The following CCDC110 variants were observed in gnomAD, a reference collection of about 807,000 sequenced individuals.
The protein encoded by CCDC110 is coiled-coil domain containing 110.
A neutral mutation model predicts 77.1 loss-of-function variants in CCDC110; 70 were observed. The observed-to-expected ratio is 0.91, with a 90% CI of 0.75 to 1.11. CCDC110 has a LOEUF of 1.11. Ranked by LOEUF, CCDC110 falls within the 50% of genes least tolerant of loss-of-function variation. The probability of loss-of-function intolerance (pLI) is 0.00; values close to 1 mark genes in which losing one functional copy is unlikely to be tolerated. For synonymous variants in CCDC110, 295 were observed against 312.5 expected (o/e 0.94, Z 0.59); for missense variants, 868 against 942.9 (o/e 0.92, Z 1.04).
intron 6 of CCDC110, chr4:185,452,048 A>G (rs542408823): frequency 4.6e-6 from 1 of 218,486 alleles, no homozygotes; most frequent in East Asian, 1.8e-4. Flanking sequence ...AAGTGTCAGT[A>G]GAGGAAATCA....
At position 185,459,385 on chromosome 4, in the gene CCDC110, A is replaced by G. The variant is rs781072086; in HGVS notation, c.1202T>C (p.Leu401Pro). The stretch of plus-strand genomic sequence containing the variant: ...AGATATTATTGATCCTTGTTTTACT[A>G]GAAATGGTTGTCTTTCTTTGTCTTT... ...EMKDKERQPF[L>P]VKQGSIISEN... The change falls in exon 6 of 7, where the codon CTA becomes CCA. Residue 401 changes from leucine to proline, a missense_variant. Physicochemically the swap from Leu to Pro is moderately conservative, Grantham distance 98. Transcript: ENST00000307588. 13 of 1,611,960 alleles carry G rather than the reference A, an allele frequency of 8.1e-6. No homozygotes were observed. The highest frequency in any genetic ancestry group is 6.6e-5 in the South Asian group (6 of 90,648).
Position 185,447,343 on chromosome 4 carries a change from G to A in CCDC110, c.2462-1801C>T, listed in dbSNP as rs866955428. Among the ~76,000 whole-genome samples, 9 of 151,670 alleles carry A rather than the reference G, an allele frequency of 5.9e-5. No homozygotes were observed. The South Asian group carries it at 6.3e-4, about 11-fold the overall frequency. On this transcript the variant is annotated intron_variant, in intron 6 of 6. Coordinates refer to ENST00000307588, the MANE Select transcript of CCDC110 (RefSeq NM_152775.4). ...ACTACAGGCGCCCGCCACCACGCCCGGCTAATTTTTGTATTTTTAGTAGAG... is the reference window on the plus strand; with the variant it reads ...ACTACAGGCGCCCGCCACCACGCCCAGCTAATTTTTGTATTTTTAGTAGAG...
In CCDC110 at chr4:185,460,293, C is replaced by T. The variant is rs2095643774; in HGVS notation, c.349-55G>A. On this transcript the variant is annotated intron_variant, in intron 5 of 6. Coordinates refer to ENST00000307588, the MANE Select transcript of CCDC110 (RefSeq NM_152775.4). Reference sequence around the variant, plus strand: ...TATTGTCATTTGCCACATGATAAAGCAGTACAGATAATATTTTGTGGAGGG... The same window carrying T: ...TATTGTCATTTGCCACATGATAAAGTAGTACAGATAATATTTTGTGGAGGG... 3.8e-6 allele frequency: 5 copies of T among 1,330,668 alleles called. No homozygotes were observed. In the South Asian group the frequency reaches 5.6e-5, roughly 15 times the overall value. 82.4% of individuals were successfully genotyped at this position (1,330,668 alleles called of 1,614,324 possible).
intron 6 of CCDC110, among the ~76,000 whole-genome samples, chr4:185,457,546 C>A (rs568547500): frequency 6.6e-6 from 1 of 152,292 alleles, no homozygotes; most frequent in African/African-American, 2.4e-5. Context: ...TCCACTAGAA[C>A]CCACAAAACT....
Position 185,458,819 on chromosome 4 carries a change from T to C in CCDC110, c.1768A>G (p.Lys590Glu), listed in dbSNP as rs2153320666. Residue 590 changes from lysine to glutamate, a missense_variant, in exon 6 of 7, where the codon AAA becomes GAA. Transcript: ENST00000307588. Reference protein sequence around the residue: ...LIQDEKEMLEKKTHQLLKEKS... With the variant: ...LIQDEKEMLEEKTHQLLKEKS... ...TCTTTTAGAAGCTGGTGTGTTTTTT[T>C]CTCTAACATTTCTTTTTCATCTTGT... The C allele has an allele frequency of 6.2e-7, 1 of 1,607,326 alleles. No individual in the cohort carries two copies. Among genetic ancestry groups the C allele is most frequent in the East Asian group, 2.2e-5 (1 of 44,718 alleles).
intron 6 of CCDC110, among the ~76,000 whole-genome samples, chr4:185,448,605 T>C (rs1410172111): frequency 6.6e-6 from 1 of 152,222 alleles, no homozygotes; most frequent in Non-Finnish European, 1.5e-5. Flanking sequence ...AGGAATACTA[T>C]TCTCTGTGGG....
At chr4:185,446,697 A>G (rs748212698) in intron 6 of CCDC110, among the ~76,000 whole-genome samples, 3 of 136,498 alleles carry the variant, frequency 2.2e-5, no homozygotes, top group Non-Finnish European at 4.7e-5. Flanking sequence ...ATAGTTTGTT[A>G]CTTCAGACAT....
At chr4:185,445,752 T>C (rs929421263) in intron 6 of CCDC110, among the ~76,000 whole-genome samples, 11 of 152,234 alleles carry the variant, frequency 7.2e-5, no homozygotes, top group African/African-American at 2.7e-4. Context: ...AAAACAGTAG[T>C]ACATCTTTAA....
At position 185,458,463 on chromosome 4, in the gene CCDC110, T is replaced by A; in HGVS notation, c.2124A>T (p.Val708=). ...TCTGATTATCTGTTTTGGTTTCCAT[T>A]ACCATTTTTGATAACATTTCACATT... ...GKECEMLSKM[V]METKTDNQIL... The change falls in exon 6 of 7, where the codon GTA becomes GTT. Residue 708 remains valine, a synonymous_variant. Coordinates refer to ENST00000307588, the MANE Select transcript of CCDC110 (RefSeq NM_152775.4). 1 of 1,601,150 alleles carries A rather than the reference T, an allele frequency of 6.2e-7. No homozygotes were observed. The highest frequency in any genetic ancestry group is 8.5e-7 in the Non-Finnish European group (1 of 1,176,246).
chr4:185,459,443 G>A lies in CCDC110; in HGVS notation c.1144C>T (p.Leu382=), dbSNP rs9999097. The change falls in exon 6 of 7, where the codon CTG becomes TTG. Residue 382 remains leucine (L), a synonymous_variant. Transcript: ENST00000307588. ...KFHSRVPRYT[L]SFLDQTKHEM... is the part of the protein sequence containing the mutation. ...TGTTTTGTTTGGTCGAGGAAGGACAGTGTGTATCTTGGAACTCTGGAATGG... is the reference window on the plus strand; with the variant it reads ...TGTTTTGTTTGGTCGAGGAAGGACAATGTGTATCTTGGAACTCTGGAATGG... 53 of 1,613,146 alleles carry A rather than the reference G, an allele frequency of 3.3e-5. No individual in the cohort carries two copies. The highest frequency in any genetic ancestry group is 4.2e-5 in the Non-Finnish European group (50 of 1,179,358).
Position 185,459,594 on chromosome 4 carries a change from T to TTTTGACACAG in CCDC110, c.983_992dup (p.Lys331AsnfsTer11). 1 of 1,613,368 alleles carries TTTTGACACAG rather than the reference T, an allele frequency of 6.2e-7. No individual in the cohort carries two copies. Among genetic ancestry groups the TTTTGACACAG allele is most frequent in the South Asian group, 1.1e-5 (1 of 90,984 alleles). ...ATTTTCTACAAAAATGCACATGGAA[T>TTTTGACACAG]TTTGACACAGTTTCCCTGAAGGGGA... On this transcript the variant is annotated frameshift_variant, in exon 6 of 7. Transcript: ENST00000307588. LOFTEE classifies it high-confidence loss of function.
rs145767821 is a variant in CCDC110, at chr4:185,459,272, C to G, written c.1315G>C (p.Val439Leu). 8 of 1,613,248 alleles carry G rather than the reference C, an allele frequency of 5.0e-6. No individual in the cohort carries two copies. Among genetic ancestry groups the G allele is most frequent in the South Asian group, 3.3e-5 (3 of 90,980 alleles). Reference sequence around the variant, plus strand: ...TCCATTACTTTTTTCTGTATCTGCACAGATTCTTTTAGGTAATTCTGTAAG... The same window carrying G: ...TCCATTACTTTTTTCTGTATCTGCAGAGATTCTTTTAGGTAATTCTGTAAG... ...QYLQNYLKES[V>L]QIQKKVMELE... The change falls in exon 6 of 7, where the codon GTG (valine) becomes CTG (leucine). Residue 439 changes from valine (V) to leucine (L), a missense_variant. Coordinates refer to ENST00000307588, the MANE Select transcript of CCDC110 (RefSeq NM_152775.4).
At position 185,460,151 on chromosome 4, in the gene CCDC110, A is replaced by G; in HGVS notation, c.436T>C (p.Leu146=). The change falls in exon 6 of 7, where the codon TTA becomes CTA. Residue 146 remains leucine (L), a synonymous_variant. Coordinates refer to ENST00000307588, the MANE Select transcript of CCDC110 (RefSeq NM_152775.4). The part of the protein sequence containing the change: ...SKTLHSVEEK[L]SGDSVNSLPQ... ...AGACTGTTCACACTATCACCACTTA[A>G]TTTTTCTTCCACTGAATGAAGTGTC... 5 of 1,613,012 alleles carry G rather than the reference A, an allele frequency of 3.1e-6. No individual in the cohort carries two copies. Among genetic ancestry groups the G allele is most frequent in the Non-Finnish European group, 4.2e-6 (5 of 1,179,864 alleles).
intron 2 of CCDC110, among the ~76,000 whole-genome samples, chr4:185,463,891 T>G (rs2095650858): frequency 1.3e-5 from 2 of 152,162 alleles, no homozygotes; most frequent in African/African-American, 4.8e-5. Context: ...TGCTTGACTG[T>G]TGTGTTTTGC....
intron 1 of CCDC110, 162 bp downstream of exon 1, chr4:185,471,502 GGGGCCGCAGC>G: frequency 1.5e-6 from 1 of 647,364 alleles, no homozygotes; most frequent in Non-Finnish European, 2.5e-6. Flanking sequence ...GCGGACGCAG[GGGGCCGCAGC>G]GGGTGCTCAG....
chr4:185,462,889 G>A lies in CCDC110; in HGVS notation c.171+105C>T, dbSNP rs1430267637. The A allele has an allele frequency of 1.8e-5, 19 of 1,085,454 alleles. No individual in the cohort carries two copies. The Admixed American group carries it at 3.3e-4, about 19-fold the overall frequency. The allele number at this position is 1,085,454 out of a possible 1,614,324, so 67.2% of individuals were successfully genotyped here. ...AATGTGCTTTCATGGAGATCCTTGTGAGGATAAAGTGAGAGAACCCGTTTG... is the reference window on the plus strand; with the variant it reads ...AATGTGCTTTCATGGAGATCCTTGTAAGGATAAAGTGAGAGAACCCGTTTG... On this transcript the variant is annotated intron_variant, in intron 3 of 6. Coordinates refer to ENST00000307588, the MANE Select transcript of CCDC110 (RefSeq NM_152775.4).
chr4:185,461,252 A>G (rs1052115909), intron 4 of CCDC110, 93 bp from the exon 5 acceptor site: 11 of 624,572 alleles, frequency 1.8e-5, no homozygotes, highest in Non-Finnish European at 3.0e-5. Flanking sequence ...AGGTGTGTTT[A>G]AATTTCCTGC....
At chr4:185,457,890 G>C in intron 6 of CCDC110, 1 of 851,294 alleles carries the variant, frequency 1.2e-6, no homozygotes, top group Non-Finnish European at 1.7e-6. Flanking sequence ...ACTCCCTCTT[G>C]CTCACTGCCA....
intron 6 of CCDC110, among the ~76,000 whole-genome samples, chr4:185,456,219 C>T (rs925420523): frequency 6.6e-6 from 1 of 152,148 alleles, no homozygotes; most frequent in Non-Finnish European, 1.5e-5. Context: ...AATCTCCAAA[C>T]ATTTAGAAAT....
Sources: gnomAD v4.1 joint callset for allele counts (sites outside exome capture counted in the v4.1 genomes callset) on GRCh38, gnomAD v4.1.1 for gene constraint, MANE v1.5 for transcripts, NCBI Gene and HGNC (gene_info 2026-07-23, HGNC 2026-07-21) for gene names.